HYDIN: variants seen among roughly 807,000 people sequenced by gnomAD.
HYDIN encodes HYDIN axonemal central pair apparatus protein.
HYDIN carries 132 observed loss-of-function variants against 403.9 expected under a neutral mutation model. That is an observed-to-expected ratio of 0.33 (90% CI 0.28 to 0.38). HYDIN has a LOEUF of 0.38. HYDIN is among the 10% of genes least tolerant of loss of function. HYDIN has a pLI of 1.00. For missense variants in HYDIN, 2,827 were observed against 5,009.5 expected (o/e 0.56, Z 13.15); for synonymous variants, 1,202 against 1,891.7 (o/e 0.64, Z 9.46).
intron 84 of HYDIN, among the ~76,000 whole-genome samples, chr16:70,818,032 G>T (rs2035956819): frequency 6.6e-6 from 1 of 152,222 alleles, no homozygotes; most frequent in Non-Finnish European, 1.5e-5. Flanking sequence ...GTGAGCCACT[G>T]CACCTGGACT....
rs1282178516 is a variant in HYDIN at position 70,805,087 on chromosome 16, T to C, written c.*2493A>G. 6.6e-6 allele frequency among the ~76,000 whole-genome samples: 1 copy of C among 152,202 alleles called. No homozygotes were observed. Among genetic ancestry groups the C allele is most frequent in the Non-Finnish European group, 1.5e-5 (1 of 68,036 alleles). On this transcript the variant is annotated 3_prime_UTR_variant, in exon 86 of 86. Coordinates refer to ENST00000393567, the MANE Select transcript of HYDIN (RefSeq NM_001270974.2). ...AGGGTGAGGGACCAATTGCTTCCCT[T>C]CTCCTAACCTATACCTCTGGTGAAT...
Position 70,849,748 on chromosome 16 carries a change from G to C in HYDIN, c.12851C>G (p.Thr4284Arg), listed in dbSNP as rs1367609060. Residue 4284 changes from threonine (T) to arginine (R), a missense_variant, in exon 75 of 86, where the codon ACA becomes AGA. Coordinates refer to ENST00000393567, the MANE Select transcript of HYDIN (RefSeq NM_001270974.2). Reference protein sequence around the residue: ...SFQPLKKCVLTDLELIIKISH... With the variant: ...SFQPLKKCVLRDLELIIKISH... ...CACCTTGATTATGAGTTCCAGGTCTGTCAAGACACACTTCTTTAATGGTTG... is the reference window on the plus strand; with the variant it reads ...CACCTTGATTATGAGTTCCAGGTCTCTCAAGACACACTTCTTTAATGGTTG... 9.3e-6 allele frequency: 6 copies of C among 648,250 alleles called. No individual in the cohort carries two copies. 40.2% of individuals were successfully genotyped at this position (648,250 alleles called of 1,614,324 possible).
intron 75 of HYDIN, among the ~76,000 whole-genome samples, chr16:70,843,148 C>T (rs1266438273): frequency 5.5e-5 from 8 of 145,920 alleles, no homozygotes; most frequent in Non-Finnish European, 9.0e-5. Flanking sequence ...CCCACTAACT[C>T]GTTATCTAGC....
intron 1 of HYDIN, among the ~76,000 whole-genome samples, chr16:71,221,158 C>G (rs2089179293): frequency 6.6e-6 from 1 of 151,900 alleles, no homozygotes; most frequent in African/African-American, 2.4e-5. Context: ...AAGGTGTACA[C>G]TTTCAACGTT....
At position 71,175,730 on chromosome 16, in the gene HYDIN, C is replaced by A; in HGVS notation, c.393G>T (p.Leu131Phe). ...ILRNNDKIPR[L>F]VKVVEESSPY... ...GCGAACTTTCTTCCACAACTTTCACCAACCTTGGAATCTGCAGGGAAACAC... is the reference window on the plus strand; with the variant it reads ...GCGAACTTTCTTCCACAACTTTCACAAACCTTGGAATCTGCAGGGAAACAC... Residue 131 changes from leucine (L) to phenylalanine (F), a missense_variant, in exon 5 of 86, where the codon TTG becomes TTT. Physicochemically the swap from Leu to Phe is conservative, Grantham distance 22. Coordinates refer to ENST00000393567, the MANE Select transcript of HYDIN (RefSeq NM_001270974.2). 6.2e-7 allele frequency: 1 copy of A among 1,614,140 alleles called. No homozygotes were observed. The highest frequency in any genetic ancestry group is 8.5e-7 in the Non-Finnish European group (1 of 1,180,004).
rs76565718 is a variant in HYDIN at position 71,196,010 on chromosome 16, A to G, written c.-23-9092T>C. On this transcript the variant is annotated intron_variant, in intron 1 of 85. Transcript: ENST00000393567. Reference sequence around the variant, plus strand: ...AGGAAGAAGGAAAAAACAGAAACAGAGAAAGGTATGGTTGCAAAAAGTGCT... The same window carrying G: ...AGGAAGAAGGAAAAAACAGAAACAGGGAAAGGTATGGTTGCAAAAAGTGCT... 8.5e-3 allele frequency among the ~76,000 whole-genome samples: 1,294 copies of G among 152,352 alleles called. 16 individuals carry two copies. The highest frequency in any genetic ancestry group is 0.03 in the African/African-American group (1,230 of 41,560).
chr16:70,994,565 C>T (rs1215497075), intron 23 of HYDIN, among the ~76,000 whole-genome samples: 2 of 149,674 alleles, frequency 1.3e-5, no homozygotes, highest in African/African-American at 4.9e-5. Context: ...GGGCTGGGTG[C>T]TAACAAATCT....
At chr16:70,943,419 T>C (rs1567876189) in intron 42 of HYDIN, among the ~76,000 whole-genome samples, 1 of 152,212 alleles carries the variant, frequency 6.6e-6, no homozygotes, top group Non-Finnish European at 1.5e-5. Flanking sequence ...TTATATAGAA[T>C]GTTATTATGT....
intron 18 of HYDIN, among the ~76,000 whole-genome samples, chr16:71,059,358 G>A (rs2082006872): frequency 1.3e-5 from 2 of 152,056 alleles, no homozygotes; most frequent in African/African-American, 4.8e-5. Context: ...TCCTGCATAT[G>A]ACTAGCCAGT....
rs368990319 is a variant in HYDIN at position 71,179,482 on chromosome 16, G to T, written c.262-435C>A. Among the ~76,000 whole-genome samples the T allele has an allele frequency of 1.1e-3, 163 of 152,296 alleles. 1 individual carries two copies. The highest frequency in any genetic ancestry group is 3.7e-3 in the African/African-American group (155 of 41,554). ...CAACTTCTAAAGGAAATACCAAAGG[G>T]TATTCTTTATGGAGAAGAGAATTTC... On this transcript the variant is annotated intron_variant, in intron 3 of 85. Coordinates refer to ENST00000393567, the MANE Select transcript of HYDIN (RefSeq NM_001270974.2).
chr16:70,837,635 T>C, intron 77 of HYDIN, 55 bp downstream of exon 77: 2 of 1,604,570 alleles, frequency 1.2e-6, no homozygotes, highest in Non-Finnish European at 1.7e-6. Context: ...CAAAGAAGGA[T>C]GAGAAGGGTA....
chr16:70,833,828 C>A, intron 79 of HYDIN, 59 bp downstream of exon 79: 1 of 1,178,908 alleles, frequency 8.5e-7, no homozygotes, highest in South Asian at 1.3e-5. Context: ...AAGTCCAGGG[C>A]AGATACAGGG....
intron 8 of HYDIN, among the ~76,000 whole-genome samples, chr16:71,134,081 G>A (rs1378171590): frequency 6.6e-6 from 1 of 151,876 alleles, no homozygotes; most frequent in Non-Finnish European, 1.5e-5. Flanking sequence ...TGCTGGAAAC[G>A]AATTGGTATT....
rs199708986 is a variant in HYDIN at position 71,062,209 on chromosome 16, G to A, written c.2336C>T (p.Thr779Met). 1.3e-5 allele frequency: 20 copies of A among 1,499,426 alleles called. No individual in the cohort carries two copies. The highest frequency in any genetic ancestry group is 1.2e-4 in the South Asian group (10 of 85,648). 92.9% of individuals were successfully genotyped at this position (1,499,426 alleles called of 1,614,324 possible). Residue 779 changes from threonine to methionine, a missense_variant, in exon 17 of 86, where the codon ACG becomes ATG. Physicochemically the swap from Thr to Met is moderately conservative, Grantham distance 81. Coordinates refer to ENST00000393567, the MANE Select transcript of HYDIN (RefSeq NM_001270974.2). Reference sequence around the variant, plus strand: ...GCTCCCAAAGATTGAGATGTAAACCGTGGATCTGTGTTCTCCAGTGACCTG... The same window carrying A: ...GCTCCCAAAGATTGAGATGTAAACCATGGATCTGTGTTCTCCAGTGACCTG... ...ETQVTGEHRS[T>M]VYISIFGSQD...
chr16:71,204,375 T>C (rs567222116), intron 1 of HYDIN, among the ~76,000 whole-genome samples: 33 of 152,290 alleles, frequency 2.2e-4, no homozygotes, highest in South Asian at 1.2e-3. Flanking sequence ...CTGAAATCAA[T>C]AGAGAAAGGG....
At chr16:71,065,857 C>T (rs1382365950) in intron 15 of HYDIN, among the ~76,000 whole-genome samples, 1 of 152,172 alleles carries the variant, frequency 6.6e-6, no homozygotes, top group Non-Finnish European at 1.5e-5. Flanking sequence ...GTTCTAAAAG[C>T]AATTCTTCTG....
intron 45 of HYDIN, among the ~76,000 whole-genome samples, chr16:70,922,358 G>A (rs926546320): frequency 2.0e-5 from 3 of 152,262 alleles, no homozygotes; most frequent in East Asian, 1.9e-4. Context: ...GCCCAGCGTA[G>A]AGCAGCTGGA....
At position 70,833,929 on chromosome 16, in the gene HYDIN, GT is replaced by G. The variant is rs779983520; in HGVS notation, c.13636del (p.Thr4546HisfsTer6). The G allele has an allele frequency of 3.1e-6, 5 of 1,613,700 alleles. No individual in the cohort carries two copies. Among genetic ancestry groups the G allele is most frequent in the Non-Finnish European group, 3.4e-6 (4 of 1,179,834 alleles). ...TGTGTTCATCATGAGGATGCGACGT[GT>G]GGCTTGCGTCTGATACACCACGGGT... is the stretch of plus-strand genomic sequence containing the variant. Reference protein sequence around the residue: ...FGPVVYQTQATRRILMMNTGD... With the variant: ...FGPVVYQTQAXRRILMMNTGD... On this transcript the variant is annotated frameshift_variant, in exon 79 of 86. Coordinates refer to ENST00000393567, the MANE Select transcript of HYDIN (RefSeq NM_001270974.2). LOFTEE classifies it high-confidence loss of function.
chr16:70,991,946 C>T, intron 24 of HYDIN, 124 bp downstream of exon 24: 2 of 1,509,534 alleles, frequency 1.3e-6, no homozygotes, highest in Non-Finnish European at 8.8e-7. Flanking sequence ...ACATAGAAGA[C>T]ATTTATTAAA....
Sources: gnomAD v4.1 joint callset for allele counts (sites outside exome capture counted in the v4.1 genomes callset) on GRCh38, gnomAD v4.1.1 for gene constraint, MANE v1.5 for transcripts, NCBI Gene and HGNC (gene_info 2026-07-23, HGNC 2026-07-21) for gene names.